Variants in TMEM8B observed in about 807,000 individuals in gnomAD.
TMEM8B encodes nasopharyngeal carcinoma expressed 6.
In TMEM8B, 29 loss-of-function variants were observed where a neutral mutation model predicts 49.3. The observed-to-expected ratio is 0.59, with a 90% CI of 0.44 to 0.80. The LOEUF (loss-of-function observed/expected upper bound fraction) is 0.80, where lower values mean the gene tolerates loss of function less well. Ranked by LOEUF, TMEM8B falls within the 30% of genes least tolerant of loss-of-function variation. TMEM8B has a pLI of 0.00. For missense variants in TMEM8B, 575 were observed against 658.5 expected (o/e 0.87, Z 1.39); for synonymous variants, 264 against 272.8 (o/e 0.97, Z 0.32).
rs1830963316 is a variant in TMEM8B at position 35,841,352 on chromosome 9, C to T, written c.1040+85C>T. On this transcript the variant is annotated intron_variant, in intron 4 of 12. Transcript: ENST00000643932. This position sits in a 1 kb window ranked among gnomAD's most constrained non-coding sequence, Gnocchi z 5.9. ...CAGGGTTCTCTCTTGGCTTCTCCAC[C>T]TACCTGCCTGGTCCCTGGGTGGGAT... 2.4e-6 allele frequency: 1 copy of T among 415,400 alleles called. No individual in the cohort carries two copies. The allele number at this position is 415,400 out of a possible 1,614,324, so 25.7% of individuals were successfully genotyped here. A position where few individuals can be genotyped will look rare whatever the true frequency, so the allele number is the denominator to read the frequency against.
chr9:35,837,139 G>A (rs1830518298), intron 3 of TMEM8B, among the ~76,000 whole-genome samples: 1 of 152,118 alleles, frequency 6.6e-6, no homozygotes, highest in African/African-American at 2.4e-5. Flanking sequence ...GTGGGTTTAG[G>A]GTTATCCTTT....
chr9:35,845,853 A>G, intron 6 of TMEM8B, 122 bp from the exon 7 acceptor site: 1 of 1,577,048 alleles, frequency 6.3e-7, no homozygotes, highest in South Asian at 1.2e-5. Context: ...TTTGGCGTGG[A>G]GAGCGCCGGG....
chr9:35,853,537 C>T lies in TMEM8B; in HGVS notation c.2472C>T (p.Tyr824=), dbSNP rs1832351546. 3 of 1,614,034 alleles carry T rather than the reference C, an allele frequency of 1.9e-6. No homozygotes were observed. In the Admixed American group the frequency reaches 5.0e-5, roughly 27 times the overall value. Residue 824 remains tyrosine, a synonymous_variant, in exon 13 of 13, where the codon TAC becomes TAT. Coordinates refer to ENST00000643932, the MANE Select transcript of TMEM8B (RefSeq NM_001042590.4). The surrounding 1 kb of genome is among the most constrained non-coding windows in gnomAD (Gnocchi z 4.2). ...GCAGCGTCCGCCGCCGGCACTGCTA[C>T]CCACCCACGTGGCGCCGCTGGCTTT... ...TVRSVRRRHC[Y]PPTWRRWLFY...
Position 35,865,119 on chromosome 9 carries a change from A to G in TMEM8B, c.*11279A>G, listed in dbSNP as rs1431724720. ...AGGGCCCTGCTGAGGTGAAGTGGGC[A>G]TAGGAGAGAGAGTGGACAGAGAATC... On this transcript the variant is annotated 3_prime_UTR_variant, in exon 13 of 13. Transcript: ENST00000643932. The G allele has an allele frequency of 6.6e-6, 1 of 152,286 alleles. No individual in the cohort carries two copies. Among genetic ancestry groups the G allele is most frequent in the Non-Finnish European group, 1.5e-5 (1 of 68,092 alleles). 9.4% of individuals were successfully genotyped at this position (152,286 alleles called of 1,614,324 possible).
In TMEM8B at chr9:35,846,465, G is replaced by T; in HGVS notation, c.1854-4G>T. The T allele has an allele frequency of 6.3e-7, 1 of 1,597,502 alleles. No homozygotes were observed. The highest frequency in any genetic ancestry group is 8.5e-7 in the Non-Finnish European group (1 of 1,171,826). On this transcript the variant is annotated splice_region_variant and splice_polypyrimidine_tract_variant and intron_variant, in intron 8 of 12. Coordinates refer to ENST00000643932, the MANE Select transcript of TMEM8B (RefSeq NM_001042590.4). ...GCCCCAGGTGACTGCGAGTTTGTGCGCAGGTTCGTGCGGTGCCGCAACGCG... is the reference window on the plus strand; with the variant it reads ...GCCCCAGGTGACTGCGAGTTTGTGCTCAGGTTCGTGCGGTGCCGCAACGCG...
At chr9:35,839,968 G>A (rs1000914833) in intron 3 of TMEM8B, among the ~76,000 whole-genome samples, 2 of 152,190 alleles carry the variant, frequency 1.3e-5, no homozygotes, top group African/African-American at 4.8e-5. Flanking sequence ...TGCCTTGGCT[G>A]GCTTGTTCTG....
In TMEM8B at chr9:35,829,686, C is replaced by A; in HGVS notation, c.239C>A (p.Ala80Asp). Residue 80 changes from alanine (A) to aspartate (D), a missense_variant, in exon 1 of 13, where the codon GCC (alanine) becomes GAC (aspartate). Transcript: ENST00000643932. ...CCCCATTCCCAGTGTTTGCTTAAGG[C>A]CCTGGCTCAACCCCGTCCCTTGCTG... ...SQPHSQCLLK[A>D]LAQPRPLLQS... is the part of the protein sequence containing the mutation. The A allele has an allele frequency of 2.5e-6, 1 of 403,176 alleles. No individual in the cohort carries two copies. Among genetic ancestry groups the A allele is most frequent in the East Asian group, 3.6e-5 (1 of 28,080 alleles). 25.0% of individuals were successfully genotyped at this position (403,176 alleles called of 1,614,324 possible). A position where few individuals can be genotyped will look rare whatever the true frequency, so the allele number is the denominator to read the frequency against.
intron 3 of TMEM8B, among the ~76,000 whole-genome samples, chr9:35,839,572 G>C (rs1830770055): frequency 6.6e-6 from 1 of 152,238 alleles, no homozygotes; most frequent in Non-Finnish European, 1.5e-5. Flanking sequence ...CATGTCCACT[G>C]ATCTTTCATT....
intron 1 of TMEM8B, among the ~76,000 whole-genome samples, chr9:35,830,749 C>G (rs1160754041): frequency 6.6e-6 from 1 of 152,252 alleles, no homozygotes; most frequent in East Asian, 1.9e-4. Context: ...CCGGTCTGCC[C>G]ACAAGGGTGC....
At position 35,842,653 on chromosome 9, in the gene TMEM8B, C is replaced by A; in HGVS notation, c.1571C>A (p.Ala524Asp). 1 of 1,614,170 alleles carries A rather than the reference C, an allele frequency of 6.2e-7. No individual in the cohort carries two copies. The highest frequency in any genetic ancestry group is 1.3e-5 in the African/African-American group (1 of 75,070). ...ALPPERPAVF[A>D]MRLLPVLDSG... ...CCCCCTGAGCGCCCAGCCGTGTTCG[C>A]CATGAGGCTGTTGCCAGTGCTGGAC... is the stretch of plus-strand genomic sequence containing the variant. The change falls in exon 6 of 13, where the codon GCC (alanine) becomes GAC (aspartate). Residue 524 changes from alanine (A) to aspartate (D), a missense_variant. By Grantham distance (126) the Ala-to-Asp change is moderately radical. Coordinates refer to ENST00000643932, the MANE Select transcript of TMEM8B (RefSeq NM_001042590.4). This position sits in a 1 kb window ranked among gnomAD's most constrained non-coding sequence, Gnocchi z 5.6.
Position 35,829,554 on chromosome 9 carries a change from C to G in TMEM8B, c.107C>G (p.Ser36Cys). 1 of 199,570 alleles carries G rather than the reference C, an allele frequency of 5.0e-6. No individual in the cohort carries two copies. The highest frequency in any genetic ancestry group is 9.8e-6 in the Non-Finnish European group (1 of 102,146). 12.4% of individuals were successfully genotyped at this position (199,570 alleles called of 1,614,324 possible). A position where few individuals can be genotyped will look rare whatever the true frequency, so the allele number is the denominator to read the frequency against. ...FPHRPQPLPG[S>C]PSRTPFQSLP... is the part of the protein sequence containing the mutation. ...CATCGGCCCCAGCCCCTGCCTGGGT[C>G]CCCATCCAGGACCCCCTTCCAGTCT... Residue 36 changes from serine (S) to cysteine (C), a missense_variant, in exon 1 of 13, where the codon TCC becomes TGC. Ser to Cys is a moderately radical substitution (Grantham distance 112). Transcript: ENST00000643932.
rs1163523000 is a variant in TMEM8B at position 35,855,174 on chromosome 9, A to G, written c.*1334A>G. ...TGTCTAAGGCCTTGGCTATGCAGAC[A>G]CACCTTGAAGCTGTTTCTGCTCTGG... is the stretch of plus-strand genomic sequence containing the variant. On this transcript the variant is annotated 3_prime_UTR_variant, in exon 13 of 13. Transcript: ENST00000643932. 6.6e-6 allele frequency: 1 copy of G among 152,224 alleles called. No homozygotes were observed. Among genetic ancestry groups the G allele is most frequent in the African/African-American group, 2.4e-5 (1 of 41,452 alleles). The allele number at this position is 152,224 out of a possible 1,614,324, so 9.4% of individuals were successfully genotyped here.
intron 1 of TMEM8B, 53 bp downstream of exon 1, chr9:35,830,008 G>A (rs1006500363): frequency 1.2e-5 from 5 of 414,268 alleles, no homozygotes; most frequent in Non-Finnish European, 2.2e-5. Context: ...CGGCAGGGAG[G>A]GGTGGGCTGG....
intron 9 of TMEM8B, 86 bp from the exon 10 acceptor site, chr9:35,846,731 C>T (rs1177856759): frequency 8.4e-6 from 13 of 1,544,822 alleles, no homozygotes; most frequent in Middle Eastern, 4.6e-4. Flanking sequence ...TTGGCAGAGC[C>T]GGGGTGAGAC....
At chr9:35,830,700 C>T (rs1199098216) in intron 1 of TMEM8B, among the ~76,000 whole-genome samples, 1 of 152,002 alleles carries the variant, frequency 6.6e-6, no homozygotes, top group Non-Finnish European at 1.5e-5. Flanking sequence ...AAAAATAGAC[C>T]CAAGTGGGGA....
At chr9:35,843,202 T>A (rs1164451729) in intron 6 of TMEM8B, among the ~76,000 whole-genome samples, 1 of 152,216 alleles carries the variant, frequency 6.6e-6, no homozygotes, top group Admixed American at 6.5e-5. Context: ...TCTATCTCTG[T>A]CCTGTTCTTT....
At chr9:35,851,794 A>G (rs556073482) in intron 10 of TMEM8B, among the ~76,000 whole-genome samples, 2 of 152,316 alleles carry the variant, frequency 1.3e-5, no homozygotes, top group South Asian at 4.1e-4. Context: ...CTAAGATCCT[A>G]GCTTCTTCCT....
intron 3 of TMEM8B, among the ~76,000 whole-genome samples, chr9:35,837,868 G>A (rs908293791): frequency 1.3e-5 from 2 of 152,102 alleles, no homozygotes; most frequent in African/African-American, 4.8e-5. Flanking sequence ...AGTCTGCTCT[G>A]GGGGGCTGGC....
chr9:35,837,994 TA>T (rs1444098353), intron 3 of TMEM8B, among the ~76,000 whole-genome samples: 1 of 151,942 alleles, frequency 6.6e-6, no homozygotes, highest in Non-Finnish European at 1.5e-5. Flanking sequence ...TTTGAAAAAG[TA>T]GGTAAAATAA....
Sources: gnomAD v4.1 joint callset for allele counts (sites outside exome capture counted in the v4.1 genomes callset) on GRCh38, gnomAD v4.1.1 for gene constraint, Gnocchi (gnomAD v3.1) non-coding constraint, MANE v1.5 for transcripts, NCBI Gene and HGNC (gene_info 2026-07-23, HGNC 2026-07-21) for gene names.